The following AHCYL2 variants were observed in gnomAD, a reference collection of about 807,000 sequenced individuals.
AHCYL2 encodes adenosylhomocysteinase like 2.
A neutral mutation model predicts 81.4 loss-of-function variants in AHCYL2; 28 were observed. That is an observed-to-expected ratio of 0.34 (90% CI 0.25 to 0.47). The LOEUF is 0.47. Ranked by LOEUF, AHCYL2 falls within the 20% of genes least tolerant of loss-of-function variation. The probability of loss-of-function intolerance (pLI) is 1.00; values close to 1 mark genes in which losing one functional copy is unlikely to be tolerated. For missense variants in AHCYL2, 551 were observed against 785.1 expected (o/e 0.70, Z 3.56); for synonymous variants, 272 against 290.2 (o/e 0.94, Z 0.64).
intron 1 of AHCYL2, among the ~76,000 whole-genome samples, chr7:129,351,046 G>A (rs1793546218): frequency 1.3e-5 from 2 of 151,964 alleles, no homozygotes; most frequent in African/African-American, 2.4e-5. Context: ...TCATCCTTAA[G>A]TATTAGAAAT....
At chr7:129,240,226 A>G (rs1241794331) in intron 1 of AHCYL2, among the ~76,000 whole-genome samples, 1 of 151,228 alleles carries the variant, frequency 6.6e-6, no homozygotes, top group African/African-American at 2.4e-5. Context: ...CTCAAAAAAA[A>G]AAAAGAATCC....
intron 1 of AHCYL2, among the ~76,000 whole-genome samples, chr7:129,272,363 G>C (rs1028687303): frequency 2.0e-5 from 3 of 152,194 alleles, no homozygotes; most frequent in African/African-American, 7.2e-5. Context: ...GCTATACTCT[G>C]TCTGAATCAG....
intron 1 of AHCYL2, among the ~76,000 whole-genome samples, chr7:129,313,748 AGTT>A (rs1212387513): frequency 6.6e-6 from 1 of 152,254 alleles, no homozygotes; most frequent in Non-Finnish European, 1.5e-5. Context: ...AAGGATTAGC[AGTT>A]GTCATAAAAG....
intron 1 of AHCYL2, among the ~76,000 whole-genome samples, chr7:129,366,632 C>T (rs1401286375): frequency 1.3e-5 from 2 of 151,986 alleles, no homozygotes; most frequent in Non-Finnish European, 2.9e-5. Context: ...CAAAGTTAGC[C>T]GGGCGTGGTG....
In AHCYL2 at chr7:129,427,372, C is replaced by T. The variant is rs145308063; in HGVS notation, c.*327C>T. On this transcript the variant is annotated 3_prime_UTR_variant, in exon 17 of 17. Coordinates refer to ENST00000325006, the MANE Select transcript of AHCYL2 (RefSeq NM_015328.4). The surrounding 1 kb of genome is among the most constrained non-coding windows in gnomAD (Gnocchi z 5.5). ...GTGGCCGTTTTTCCTCTTGTCCAGG[C>T]TCACGAGTTAGTCCAGGGATTCCAT... 1.7e-3 allele frequency: 389 copies of T among 231,784 alleles called. 1 individual carries two copies. The highest frequency in any genetic ancestry group is 8.5e-3 in the African/African-American group (375 of 44,132). 14.4% of individuals were successfully genotyped at this position (231,784 alleles called of 1,614,324 possible).
At chr7:129,319,664 A>C (rs1051820180) in intron 1 of AHCYL2, among the ~76,000 whole-genome samples, 4 of 152,340 alleles carry the variant, frequency 2.6e-5, no homozygotes, top group African/African-American at 9.6e-5. Context: ...TGCATTTTCT[A>C]GAATCTTAAA....
intron 5 of AHCYL2, among the ~76,000 whole-genome samples, chr7:129,399,757 C>T (rs1262239733): frequency 1.4e-5 from 2 of 141,750 alleles, no homozygotes; most frequent in Non-Finnish European, 1.5e-5. Context: ...GACAGAGTCA[C>T]GCCCTGTCGC....
intron 4 of AHCYL2, among the ~76,000 whole-genome samples, chr7:129,390,929 C>G: frequency 6.6e-6 from 1 of 151,960 alleles, no homozygotes; most frequent in East Asian, 1.9e-4. Context: ...CCTGAACTAT[C>G]CTGAAATGAA....
chr7:129,416,133 A>G (rs1163414799), intron 12 of AHCYL2, among the ~76,000 whole-genome samples: 2 of 151,914 alleles, frequency 1.3e-5, no homozygotes, highest in African/African-American at 4.8e-5. Context: ...TGTTGTATTT[A>G]TTATCTCCTC....
chr7:129,333,916 T>C (rs1049335515), intron 1 of AHCYL2, among the ~76,000 whole-genome samples: 2 of 152,226 alleles, frequency 1.3e-5, no homozygotes, highest in Admixed American at 1.3e-4. Context: ...ATTGTCTAAT[T>C]ATACACATAT....
chr7:129,370,343 A>C (rs992115921), intron 1 of AHCYL2, among the ~76,000 whole-genome samples: 3 of 152,082 alleles, frequency 2.0e-5, no homozygotes, highest in Non-Finnish European at 4.4e-5. Context: ...TTTAGAAAAC[A>C]CTCTTTATTT....
At chr7:129,313,866 T>G (rs1797746226) in intron 1 of AHCYL2, among the ~76,000 whole-genome samples, 2 of 152,360 alleles carry the variant, frequency 1.3e-5, no homozygotes, top group South Asian at 4.1e-4. Flanking sequence ...TTTTTACTAT[T>G]ATGTGAAATG....
chr7:129,322,420 G>GAGC (rs10682674), intron 1 of AHCYL2, among the ~76,000 whole-genome samples: 2 of 152,078 alleles, frequency 1.3e-5, no homozygotes, highest in African/African-American at 4.8e-5. Flanking sequence ...GATTACAGGC[G>GAGC]CACTGCGCCC....
intron 1 of AHCYL2, among the ~76,000 whole-genome samples, chr7:129,295,476 T>TA: frequency 6.6e-6 from 1 of 152,266 alleles, no homozygotes; most frequent in Admixed American, 6.5e-5. Flanking sequence ...CTCTGAAAGC[T>TA]GAAAAAATAG....
At chr7:129,416,665 T>G (rs1217424392) in intron 12 of AHCYL2, among the ~76,000 whole-genome samples, 1 of 151,654 alleles carries the variant, frequency 6.6e-6, no homozygotes, top group Non-Finnish European at 1.5e-5. Context: ...CTGGGCGTGG[T>G]GGTGGGCGCC....
Position 129,258,917 on chromosome 7 carries a change from G to A in AHCYL2, c.363+33478G>A, listed in dbSNP as rs146179226. On this transcript the variant is annotated intron_variant, in intron 1 of 16. Transcript: ENST00000325006. ...GTTGAGAGCGTGAGCACTTGTTAGGGCATTCCTTTATTACATCTACAACTA... is the reference window on the plus strand; with the variant it reads ...GTTGAGAGCGTGAGCACTTGTTAGGACATTCCTTTATTACATCTACAACTA... Among the ~76,000 whole-genome samples, 463 of 152,186 alleles carry A rather than the reference G, an allele frequency of 3.0e-3. 3 individuals carry two copies. The highest frequency in any genetic ancestry group is 0.017 in the Middle Eastern group (5 of 294).
intron 1 of AHCYL2, among the ~76,000 whole-genome samples, chr7:129,294,228 G>A (rs1388414178): frequency 6.6e-6 from 1 of 151,912 alleles, no homozygotes. Context: ...TTCTTAATTG[G>A]TTTGACTGCA....
Position 129,368,517 on chromosome 7 carries a change from A to G in AHCYL2, c.364-11121A>G. ...ACTATGGAGAAGTGGGACGGTAATG[A>G]GGGCACCTCAGCTTTTCACATGCCT... On this transcript the variant is annotated intron_variant, in intron 1 of 16. Coordinates refer to ENST00000325006, the MANE Select transcript of AHCYL2 (RefSeq NM_015328.4). The surrounding 1 kb of genome is among the most constrained non-coding windows in gnomAD (Gnocchi z 4.4). The G allele has an allele frequency of 6.2e-7, 1 of 1,613,982 alleles. No homozygotes were observed. The highest frequency in any genetic ancestry group is 8.5e-7 in the Non-Finnish European group (1 of 1,179,874).
At position 129,425,077 on chromosome 7, in the gene AHCYL2, A is replaced by G; in HGVS notation, c.1644A>G (p.Ile548Met). ...ITATTQALALIELYNAPEGRY... is the reference protein window; with the variant it reads ...ITATTQALALMELYNAPEGRY... Reference sequence around the variant, plus strand: ...TGCTTTTCTAGGCTCTTGCCTTGATAGAGCTTTACAATGCTCCTGAGGGTC... The same window carrying G: ...TGCTTTTCTAGGCTCTTGCCTTGATGGAGCTTTACAATGCTCCTGAGGGTC... The change falls in exon 15 of 17, where the codon ATA (isoleucine) becomes ATG (methionine). Residue 548 changes from isoleucine (I) to methionine (M), a missense_variant. Ile to Met is a conservative substitution (Grantham distance 10, BLOSUM62 1). Coordinates refer to ENST00000325006, the MANE Select transcript of AHCYL2 (RefSeq NM_015328.4). 6.2e-7 allele frequency: 1 copy of G among 1,613,724 alleles called. No individual in the cohort carries two copies. The highest frequency in any genetic ancestry group is 8.5e-7 in the Non-Finnish European group (1 of 1,179,850).
Sources: gnomAD v4.1 joint callset for allele counts (sites outside exome capture counted in the v4.1 genomes callset) on GRCh38, gnomAD v4.1.1 for gene constraint, Gnocchi (gnomAD v3.1) non-coding constraint, MANE v1.5 for transcripts, NCBI Gene and HGNC (gene_info 2026-07-23, HGNC 2026-07-21) for gene names.